Variants in CFAP298 observed in about 807,000 individuals in gnomAD.
The protein encoded by CFAP298 is cilia- and flagella-associated protein 298.
Under a neutral mutation model 41.0 loss-of-function variants are expected in CFAP298, and 38 were observed. The observed-to-expected ratio is 0.93, with a 90% confidence interval of 0.72 to 1.22. The LOEUF is 1.22. Ranked by LOEUF, CFAP298 falls within the 50% of genes most tolerant of loss-of-function variation. The pLI, the probability that CFAP298 is intolerant of heterozygous loss-of-function variation, is 0.00. For synonymous variants in CFAP298, 137 were observed against 135.3 expected, an observed-to-expected ratio of 1.01 and a Z score of -0.09; for missense variants, 348 against 360.3, an observed-to-expected ratio of 0.97 and a Z score of 0.28.
chr21:32,599,417 G>A lies in CFAP298; in HGVS notation c.*2446C>T, dbSNP rs2146543436. On this transcript the variant is annotated 3_prime_UTR_variant, in exon 7 of 7. Transcript: ENST00000290155. ...TCTCCATGAAAGAACCACATAAGAA[G>A]ACAAGTTATGTCAAAGGACAAAACC... 6.6e-6 allele frequency among the ~76,000 whole-genome samples: 1 copy of A among 152,238 alleles called. No homozygotes were observed. Among genetic ancestry groups the A allele is most frequent in the Non-Finnish European group, 1.5e-5 (1 of 68,010 alleles).
intron 6 of CFAP298, 30 bp from the exon 7 acceptor site, chr21:32,602,003 G>C: frequency 7.3e-7 from 1 of 1,365,802 alleles, no homozygotes; most frequent in Non-Finnish European, 1.0e-6. Context: ...ATTCAGGCAG[G>C]CATTTCAGGA....
chr21:32,604,110 T>C lies in CFAP298; in HGVS notation c.534+15A>G. 1 of 1,610,250 alleles carries C rather than the reference T, an allele frequency of 6.2e-7. No homozygotes were observed. Among genetic ancestry groups the C allele is most frequent in the Non-Finnish European group, 8.5e-7 (1 of 1,177,620 alleles). On this transcript the variant is annotated intron_variant, in intron 4 of 6. Coordinates refer to ENST00000290155, the MANE Select transcript of CFAP298 (RefSeq NM_021254.4). ...GGAACTCAACCTCCAGAGTACCCAC[T>C]CACAAACTACGTACCTGTGTTCCCG...
At position 32,601,287 on chromosome 21, in the gene CFAP298, G is replaced by A. The variant is rs2038729939; in HGVS notation, c.*576C>T. ...ACAATCAGGAAGAAAAAAAAGTGTA[G>A]CTTTTTTTTTTTTTTTTTTTTTTTT... On this transcript the variant is annotated 3_prime_UTR_variant, in exon 7 of 7. Coordinates refer to ENST00000290155, the MANE Select transcript of CFAP298 (RefSeq NM_021254.4). Among the ~76,000 whole-genome samples the A allele has an allele frequency of 7.4e-6, 1 of 135,752 alleles. No homozygotes were observed. Among genetic ancestry groups the A allele is most frequent in the Non-Finnish European group, 1.6e-5 (1 of 63,508 alleles). The allele number at this position is 135,752 out of a possible 152,430, so 89.1% of individuals were successfully genotyped here. A position where few individuals can be genotyped will look rare whatever the true frequency, so the allele number is the denominator to read the frequency against.
chr21:32,609,129 T>C (rs558409283), intron 2 of CFAP298, among the ~76,000 whole-genome samples: 1 of 152,248 alleles, frequency 6.6e-6, no homozygotes, highest in Non-Finnish European at 1.5e-5. Context: ...GAAGTCCATG[T>C]GCTGACATGC....
At chr21:32,607,880 G>T (rs548335824) in intron 2 of CFAP298, among the ~76,000 whole-genome samples, 164 bp from the exon 3 acceptor site, 20 of 152,288 alleles carry the variant, frequency 1.3e-4, no homozygotes, top group African/African-American at 4.3e-4. Context: ...CCGGAAGTTA[G>T]GTGAAGACCT....
rs527427184 is a variant in CFAP298, at chr21:32,600,255, C to T, written c.*1608G>A. ...GAAAATAGATGCAAATTTGCTTTTA[C>T]AAAATTTGAAAATCAACCAAAAGAG... On this transcript the variant is annotated 3_prime_UTR_variant, in exon 7 of 7. Transcript: ENST00000290155. Among the ~76,000 whole-genome samples, 87 of 152,296 alleles carry T rather than the reference C, an allele frequency of 5.7e-4. No individual in the cohort carries two copies. Among genetic ancestry groups the T allele is most frequent in the African/African-American group, 2.0e-3 (83 of 41,550 alleles).
rs568437344 is a variant in CFAP298, at chr21:32,602,345, C to T, written c.689G>A (p.Arg230Gln). 3.1e-6 allele frequency: 5 copies of T among 1,613,566 alleles called. No homozygotes were observed. The highest frequency in any genetic ancestry group is 2.2e-5 in the East Asian group (1 of 44,900). Residue 230 changes from arginine to glutamine, a missense_variant, in exon 6 of 7, where the codon CGA becomes CAA. Arg to Gln is a conservative substitution (Grantham distance 43, BLOSUM62 1). Transcript: ENST00000290155. The part of the protein sequence containing the change: ...IQQRGQGAPA[R>Q]EPIISSEEQK... ...CTCCTCACTGCTAATAATAGGCTCT[C>T]GGGCTGGAGCTCCCTGTCCCCTCTG...
chr21:32,604,466 T>C lies in CFAP298; in HGVS notation c.376-183A>G, dbSNP rs939229222. On this transcript the variant is annotated intron_variant, in intron 3 of 6. Coordinates refer to ENST00000290155, the MANE Select transcript of CFAP298 (RefSeq NM_021254.4). ...GAGCGAAGCACACCGTGGCCTGTAT[T>C]ATAAAGCAGACGGTGAGCAGCACTG... 4 of 633,200 alleles carry C rather than the reference T, an allele frequency of 6.3e-6. No homozygotes were observed. The Admixed American group carries it at 8.2e-5, about 13-fold the overall frequency. 39.2% of individuals were successfully genotyped at this position (633,200 alleles called of 1,614,324 possible).
intron 4 of CFAP298, among the ~76,000 whole-genome samples, chr21:32,603,706 A>C (rs2038804592): frequency 6.6e-6 from 1 of 152,258 alleles, no homozygotes; most frequent in Non-Finnish European, 1.5e-5. Context: ...TAGGATAAGA[A>C]GTGAGAAAAC....
At chr21:32,610,285 A>C (rs1446596413) in intron 1 of CFAP298, among the ~76,000 whole-genome samples, 1 of 152,096 alleles carries the variant, frequency 6.6e-6, no homozygotes, top group Admixed American at 6.5e-5. Flanking sequence ...CAGCGATCTC[A>C]GCTCACTGCA....
intron 1 of CFAP298, among the ~76,000 whole-genome samples, chr21:32,611,333 ATATAT>A (rs2038989295): frequency 1.5e-5 from 2 of 135,958 alleles, no homozygotes; most frequent in African/African-American, 6.2e-5. Context: ...ATATATATAT[ATATAT>A]AATTTATTTA....
chr21:32,602,318 T>C lies in CFAP298; in HGVS notation c.716A>G (p.Gln239Arg). Reference sequence around the variant, plus strand: ...GTGATAGTACAGCATCAGCTGCTTCTGCTCCTCACTGCTAATAATAGGCTC... The same window carrying C: ...GTGATAGTACAGCATCAGCTGCTTCCGCTCCTCACTGCTAATAATAGGCTC... ...AREPIISSEE[Q>R]KQLMLYYHRR... The change falls in exon 6 of 7, where the codon CAG (glutamine) becomes CGG (arginine). Residue 239 changes from glutamine to arginine, a missense_variant. Physicochemically the swap from Gln to Arg is conservative, Grantham distance 43 (BLOSUM62 1). Coordinates refer to ENST00000290155, the MANE Select transcript of CFAP298 (RefSeq NM_021254.4). The C allele has an allele frequency of 6.2e-7, 1 of 1,614,022 alleles. No individual in the cohort carries two copies. Among genetic ancestry groups the C allele is most frequent in the South Asian group, 1.1e-5 (1 of 91,088 alleles).
In CFAP298 at chr21:32,599,380, T is replaced by C. The variant is rs966323519; in HGVS notation, c.*2483A>G. ...TTTAGGTGGTATCAAATTTTATTAC[T>C]AGCATTCCTGGTCTCCATGAAAGAA... On this transcript the variant is annotated 3_prime_UTR_variant, in exon 7 of 7. Transcript: ENST00000290155. Among the ~76,000 whole-genome samples the C allele has an allele frequency of 6.6e-6, 1 of 152,178 alleles. No individual in the cohort carries two copies. Among genetic ancestry groups the C allele is most frequent in the Non-Finnish European group, 1.5e-5 (1 of 68,028 alleles).
intron 1 of CFAP298, among the ~76,000 whole-genome samples, chr21:32,611,293 C>A (rs1366114358): frequency 7.6e-6 from 1 of 132,294 alleles, no homozygotes; most frequent in Non-Finnish European, 1.5e-5. Context: ...AACAGTAAGA[C>A]CCTGTCTCTC....
At chr21:32,608,162 T>C (rs1464257409) in intron 2 of CFAP298, among the ~76,000 whole-genome samples, 2 of 148,480 alleles carry the variant, frequency 1.3e-5, no homozygotes, top group African/African-American at 5.0e-5. Flanking sequence ...AAATTTGACC[T>C]GTAGCCCATA....
chr21:32,612,178 G>C lies in CFAP298; in HGVS notation c.66C>G (p.Thr22=), dbSNP rs779818902. The C allele has an allele frequency of 8.7e-6, 14 of 1,604,198 alleles. No homozygotes were observed. The highest frequency in any genetic ancestry group is 9.4e-6 in the Non-Finnish European group (11 of 1,176,186). The part of the protein sequence containing the change: ...SQFLLQAPGS[T]ELEELTVQVA... The stretch of plus-strand genomic sequence containing the variant: ...CCTGCACCGTGAGCTCCTCCAGCTC[G>C]GTACTCCCAGGCGCCTGCAGCAGGA... The change falls in exon 1 of 7, where the codon ACC becomes ACG. Residue 22 remains threonine, a synonymous_variant. Coordinates refer to ENST00000290155, the MANE Select transcript of CFAP298 (RefSeq NM_021254.4).
chr21:32,611,419 A>T lies in CFAP298; in HGVS notation c.139+686T>A, dbSNP rs544036765. ...ATATATATGGTATTTATTTATATTT[A>T]TATATATTTAATTAATTAAAATGCA... On this transcript the variant is annotated intron_variant, in intron 1 of 6. Transcript: ENST00000290155. 5.5e-5 allele frequency among the ~76,000 whole-genome samples: 8 copies of T among 146,456 alleles called. No individual in the cohort carries two copies. In the South Asian group the frequency reaches 1.5e-3, roughly 27 times the overall value.
Position 32,599,812 on chromosome 21 carries a change from C to T in CFAP298, c.*2051G>A, listed in dbSNP as rs183272640. Among the ~76,000 whole-genome samples, 21 of 152,352 alleles carry T rather than the reference C, an allele frequency of 1.4e-4. No individual in the cohort carries two copies. The highest frequency in any genetic ancestry group is 3.4e-3 in the Middle Eastern group (1 of 294). On this transcript the variant is annotated 3_prime_UTR_variant, in exon 7 of 7. Coordinates refer to ENST00000290155, the MANE Select transcript of CFAP298 (RefSeq NM_021254.4). ...CTTCCTGAGATCTGCTGCACCCAAA[C>T]ACACCAAGCTCAGAGAGGCTTTTGA...
chr21:32,603,896 TCA>T (rs1440408874), intron 4 of CFAP298, among the ~76,000 whole-genome samples: 2 of 152,164 alleles, frequency 1.3e-5, no homozygotes, highest in African/African-American at 4.8e-5. Context: ...ATGAGCGGCC[TCA>T]CAAACTGCGT....
Sources: allele counts gnomAD v4.1 joint callset (sites outside exome capture counted in the v4.1 genomes callset), GRCh38; gene constraint gnomAD v4.1.1; transcripts MANE v1.5; gene names NCBI Gene and HGNC (gene_info 2026-07-23, HGNC 2026-07-21).